The following PALMD variants were observed in gnomAD, a reference collection of about 807,000 sequenced individuals.
PALMD encodes paralemmin-like protein.
A neutral mutation model predicts 56.2 loss-of-function variants in PALMD; 42 were observed. That is an observed-to-expected ratio of 0.75 (90% CI 0.58 to 0.97). The LOEUF (loss-of-function observed/expected upper bound fraction) is 0.97, where lower values mean the gene tolerates loss of function less well. PALMD is among the 50% of genes least tolerant of loss of function. The probability of loss-of-function intolerance (pLI) is 0.00; values close to 1 mark genes in which losing one functional copy is unlikely to be tolerated. For synonymous variants in PALMD, 242 were observed against 222.9 expected, an observed-to-expected ratio of 1.09 and a Z score of -0.76; for missense variants, 660 against 643.8, an observed-to-expected ratio of 1.03 and a Z score of -0.27.
chr1:99,682,784 T>C (rs1653371393), intron 3 of PALMD, among the ~76,000 whole-genome samples: 1 of 151,818 alleles, frequency 6.6e-6, no homozygotes, highest in African/African-American at 2.4e-5. Flanking sequence ...GGCAAGCAGA[T>C]CACTTGAGGT....
At chr1:99,689,893 T>TGC in intron 7 of PALMD, 21 bp downstream of exon 7, 1 of 1,568,286 alleles carries the variant, frequency 6.4e-7, no homozygotes, top group African/African-American at 1.4e-5. Context: ...TGACAAGGCA[T>TGC]GCCACTGCTG....
At position 99,683,008 on chromosome 1, in the gene PALMD, A is replaced by AAGAAAG. The variant is rs1557673667; in HGVS notation, c.252-3667_252-3666insGAAAGA. On this transcript the variant is annotated intron_variant, in intron 3 of 7. Transcript: ENST00000263174. ...GTGACAGAGCAAGACTCTGTCTCCAAAAAGAAAGAAGGAAAGAAAGAAAGA... is the reference window on the plus strand; with the variant it reads ...GTGACAGAGCAAGACTCTGTCTCCAAAGAAAGAAAGAAAGAAGGAAAGAAAGAAAGA... Among the ~76,000 whole-genome samples, 2 of 118,974 alleles carry AAGAAAG rather than the reference A, an allele frequency of 1.7e-5. 1 individual carries two copies. Among genetic ancestry groups the AAGAAAG allele is most frequent in the African/African-American group, 8.6e-5 (2 of 23,196 alleles). 78.1% of individuals were successfully genotyped at this position (118,974 alleles called of 152,430 possible). A position where few individuals can be genotyped will look rare whatever the true frequency, so the allele number is the denominator to read the frequency against.
chr1:99,661,445 C>T (rs1022470518), intron 1 of PALMD, among the ~76,000 whole-genome samples: 6 of 152,094 alleles, frequency 3.9e-5, no homozygotes, highest in Non-Finnish European at 8.8e-5. Context: ...AGCACTGTGA[C>T]GAGTACTGTT....
intron 1 of PALMD, among the ~76,000 whole-genome samples, chr1:99,650,826 T>A (rs1652566070): frequency 6.6e-6 from 1 of 152,176 alleles, no homozygotes; most frequent in African/African-American, 2.4e-5. Flanking sequence ...GCCATACATA[T>A]TTTTCCTTAT....
chr1:99,660,105 T>C (rs539038047), intron 1 of PALMD, among the ~76,000 whole-genome samples: 10 of 152,348 alleles, frequency 6.6e-5, no homozygotes, highest in African/African-American at 2.4e-4. Context: ...CACGGAGAGC[T>C]AGCTGCAGCA....
At chr1:99,687,905 A>T (rs1042625595) in intron 6 of PALMD, among the ~76,000 whole-genome samples, 6 of 152,092 alleles carry the variant, frequency 3.9e-5, no homozygotes, top group Non-Finnish European at 5.9e-5. Flanking sequence ...AAGAACCACC[A>T]GGCTATAGAG....
intron 3 of PALMD, among the ~76,000 whole-genome samples, chr1:99,674,551 C>T (rs1325914506): frequency 1.3e-5 from 2 of 151,940 alleles, no homozygotes; most frequent in South Asian, 2.1e-4. Flanking sequence ...TTATTGAGAA[C>T]TTGCCATATG....
chr1:99,673,618 T>C (rs1009187738), intron 3 of PALMD, among the ~76,000 whole-genome samples: 2 of 152,228 alleles, frequency 1.3e-5, no homozygotes, highest in African/African-American at 4.8e-5. Flanking sequence ...TCTCCATATT[T>C]GACTAATTGG....
At position 99,676,822 on chromosome 1, in the gene PALMD, A is replaced by G. The variant is rs375348686; in HGVS notation, c.251+9056A>G. On this transcript the variant is annotated intron_variant, in intron 3 of 7. Transcript: ENST00000263174. ...AAAAGCTCACCTTCTAATATATTAC[A>G]TGACCCTCAACTTTATTAAGAAAAT... Among the ~76,000 whole-genome samples the G allele has an allele frequency of 1.1e-4, 16 of 152,320 alleles. No homozygotes were observed. The East Asian group carries it at 2.5e-3, about 24-fold the overall frequency.
intron 3 of PALMD, chr1:99,669,097 T>C (rs1653031157): frequency 1.3e-5 from 2 of 152,220 alleles, no homozygotes; most frequent in South Asian, 4.1e-4. Context: ...CACTGCACTA[T>C]ACAAACAGAT....
intron 1 of PALMD, among the ~76,000 whole-genome samples, chr1:99,659,165 A>T (rs1015927228): frequency 3.3e-5 from 5 of 152,256 alleles, no homozygotes; most frequent in African/African-American, 1.2e-4. Context: ...ATACTTACTT[A>T]TACTCTTAAG....
intron 3 of PALMD, among the ~76,000 whole-genome samples, chr1:99,683,080 GAGAGAGAGAGAA>G (rs1653396549): frequency 4.7e-4 from 8 of 16,894 alleles, no homozygotes; most frequent in Middle Eastern, 0.023. Context: ...GAGAGAGAGA[GAGAGAGAGAGAA>G]AGAAAGAAAG....
chr1:99,656,823 G>T (rs1251260141), intron 1 of PALMD, among the ~76,000 whole-genome samples: 1 of 152,104 alleles, frequency 6.6e-6, no homozygotes, highest in East Asian at 1.9e-4. Flanking sequence ...AACCTCTTAA[G>T]GTTTCAAACT....
At chr1:99,657,250 G>A (rs1290484779) in intron 1 of PALMD, among the ~76,000 whole-genome samples, 1 of 152,136 alleles carries the variant, frequency 6.6e-6, no homozygotes, top group Non-Finnish European at 1.5e-5. Flanking sequence ...TTTGGCCCAA[G>A]GACATCTCAA....
chr1:99,681,574 A>G (rs1653348229), intron 3 of PALMD, among the ~76,000 whole-genome samples: 1 of 152,232 alleles, frequency 6.6e-6, no homozygotes. Context: ...AGAAATGGAT[A>G]TAAACAAATT....
chr1:99,654,352 T>C (rs1242590594), intron 1 of PALMD, among the ~76,000 whole-genome samples: 4 of 152,148 alleles, frequency 2.6e-5, no homozygotes, highest in African/African-American at 7.2e-5. Context: ...ATAGCTATTA[T>C]GTTAAAATTT....
Position 99,688,775 on chromosome 1 carries a change from C to CT in PALMD, c.518dup (p.Leu173PhefsTer7). 1.3e-6 allele frequency: 2 copies of CT among 1,585,726 alleles called. No individual in the cohort carries two copies. The highest frequency in any genetic ancestry group is 1.7e-6 in the Non-Finnish European group (2 of 1,165,760). ...AAAGATCAAATTTGTTTCTTAACAG[C>CT]TTTATATGCCATGGAAATTAAAGTT... On this transcript the variant is annotated frameshift_variant and splice_region_variant, in exon 7 of 8. Coordinates refer to ENST00000263174, the MANE Select transcript of PALMD (RefSeq NM_017734.5). LOFTEE classifies it high-confidence loss of function.
At chr1:99,661,181 A>G (rs1008903116) in intron 1 of PALMD, among the ~76,000 whole-genome samples, 1 of 152,188 alleles carries the variant, frequency 6.6e-6, no homozygotes, top group African/African-American at 2.4e-5. Flanking sequence ...ACAAAATTTT[A>G]TCCTTTGGGA....
intron 1 of PALMD, among the ~76,000 whole-genome samples, chr1:99,658,961 A>C (rs1409267809): frequency 6.6e-6 from 1 of 151,782 alleles, no homozygotes; most frequent in Non-Finnish European, 1.5e-5. Flanking sequence ...AAAAAAAAAG[A>C]ATGTAAACTC....
Sources: allele counts gnomAD v4.1 joint callset (sites outside exome capture counted in the v4.1 genomes callset), GRCh38; gene constraint gnomAD v4.1.1; transcripts MANE v1.5; gene names NCBI Gene and HGNC (gene_info 2026-07-23, HGNC 2026-07-21).